The following FRMD6 variants were observed in gnomAD, a reference collection of about 807,000 sequenced individuals.
FRMD6 encodes FERM domain containing 6.
Under a neutral mutation model 73.2 loss-of-function variants are expected in FRMD6, and 37 were observed. That is an observed-to-expected ratio of 0.51 (90% CI 0.39 to 0.66). The LOEUF (loss-of-function observed/expected upper bound fraction) is 0.66, where lower values mean the gene tolerates loss of function less well. FRMD6 is among the 30% of genes least tolerant of loss of function. FRMD6 has a pLI of 0.00. For missense variants in FRMD6, 714 were observed against 780.5 expected (o/e 0.91, Z 1.02); for synonymous variants, 273 against 282.2 (o/e 0.97, Z 0.33).
intron 2 of FRMD6, among the ~76,000 whole-genome samples, chr14:51,619,003 G>C (rs1413563293): frequency 1.3e-5 from 2 of 151,430 alleles, no homozygotes; most frequent in Non-Finnish European, 2.9e-5. Flanking sequence ...CAAATAATTT[G>C]TTGTAAGACA....
chr14:51,463,958 C>T, the FRMD6 span, among the ~76,000 whole-genome samples: 12 of 152,252 alleles, frequency 7.9e-5, no homozygotes, highest in African/African-American at 2.9e-4. Flanking sequence ...GGTGGGACTA[C>T]AGGCGTGCAC....
chr14:51,523,339 A>G (rs1218540291), intron 1 of FRMD6, among the ~76,000 whole-genome samples: 1 of 152,030 alleles, frequency 6.6e-6, no homozygotes, highest in East Asian at 1.9e-4. Context: ...AAACAGGCAG[A>G]AAAAAAAGGT....
chr14:51,504,814 A>G (rs1381871280), intron 1 of FRMD6, among the ~76,000 whole-genome samples: 2 of 152,172 alleles, frequency 1.3e-5, no homozygotes, highest in Non-Finnish European at 2.9e-5. Context: ...TCACCCAAAG[A>G]ACAGAGTGGG....
the FRMD6 span, among the ~76,000 whole-genome samples, chr14:51,411,494 C>T: frequency 2.6e-5 from 4 of 152,222 alleles, no homozygotes; most frequent in African/African-American, 7.2e-5. Context: ...CTGCTGGTCT[C>T]TCCCTTGGGG....
chr14:51,709,586 A>T (rs1020966883), intron 7 of FRMD6, among the ~76,000 whole-genome samples: 3 of 152,128 alleles, frequency 2.0e-5, no homozygotes, highest in Non-Finnish European at 4.4e-5. Flanking sequence ...TGCCCAAGAG[A>T]TGCATTATTA....
At chr14:51,479,903 T>C in the FRMD6 span, among the ~76,000 whole-genome samples, 6 of 152,152 alleles carry the variant, frequency 3.9e-5, no homozygotes, top group Admixed American at 3.3e-4. Context: ...TGACTGTGTA[T>C]TGACTTCGTG....
chr14:51,549,255 G>T (rs979764632), intron 1 of FRMD6, among the ~76,000 whole-genome samples: 2 of 152,080 alleles, frequency 1.3e-5, no homozygotes, highest in African/African-American at 4.8e-5. Flanking sequence ...GAAAAGCGTG[G>T]TAAACCCCTG....
the FRMD6 span, among the ~76,000 whole-genome samples, chr14:51,408,524 G>C: frequency 6.6e-6 from 1 of 151,982 alleles, no homozygotes; most frequent in South Asian, 2.1e-4. Context: ...CTTCCAGCTT[G>C]CTAATGCTCT....
intron 1 of FRMD6, among the ~76,000 whole-genome samples, chr14:51,519,385 G>A (rs1274049599): frequency 2.6e-5 from 4 of 151,896 alleles, no homozygotes; most frequent in African/African-American, 7.3e-5. Context: ...TCTAACCTCG[G>A]GTGACCCACC....
chr14:51,503,051 A>G (rs951758833), intron 1 of FRMD6, among the ~76,000 whole-genome samples: 1 of 152,140 alleles, frequency 6.6e-6, no homozygotes, highest in African/African-American at 2.4e-5. Context: ...GATTTTGTAT[A>G]CTGATAGTTT....
rs184949969 is a variant in FRMD6 at position 51,682,576 on chromosome 14, T to G, written c.-146-7115T>G. Among the ~76,000 whole-genome samples, 86 of 152,304 alleles carry G rather than the reference T, an allele frequency of 5.6e-4. 2 individuals are homozygous for G. In the East Asian group the frequency reaches 0.014, roughly 24 times the overall value. On this transcript the variant is annotated intron_variant, in intron 1 of 13. Coordinates refer to ENST00000344768, the MANE Select transcript of FRMD6 (RefSeq NM_001267046.2). ...TATATGAGAATTTCTATGGATGGTT[T>G]CTGGCTTCAGATAGCTAGATGCAGC...
intron 2 of FRMD6, chr14:51,692,733 C>G (rs988308082): frequency 1.8e-4 from 27 of 152,266 alleles, no homozygotes; most frequent in African/African-American, 6.0e-4. Flanking sequence ...GAGCAGCTTA[C>G]TAATATTCAG....
chr14:51,510,389 G>A (rs1884229371), intron 1 of FRMD6, among the ~76,000 whole-genome samples: 1 of 152,036 alleles, frequency 6.6e-6, no homozygotes, highest in African/African-American at 2.4e-5. Flanking sequence ...TGCCTCCCTT[G>A]TGTGGTTCTT....
intron 5 of FRMD6, 84 bp downstream of exon 5, chr14:51,702,672 ATTCT>A: frequency 9.1e-7 from 1 of 1,098,492 alleles, no homozygotes; most frequent in Middle Eastern, 2.1e-4. Flanking sequence ...ACGTGTGTTT[ATTCT>A]TTGTCTTCAC....
intron 1 of FRMD6, among the ~76,000 whole-genome samples, chr14:51,491,192 A>C (rs1431101773): frequency 2.0e-5 from 3 of 152,176 alleles, no homozygotes; most frequent in Non-Finnish European, 4.4e-5. Context: ...ACTTCCTTGC[A>C]TGTTAGCATG....
chr14:51,726,682 G>C (rs1017901335), intron 13 of FRMD6, among the ~76,000 whole-genome samples: 43 of 152,314 alleles, frequency 2.8e-4, no homozygotes, highest in African/African-American at 1.0e-3. Context: ...ACAGCTGATA[G>C]TCAGATTCCA....
the FRMD6 span, among the ~76,000 whole-genome samples, chr14:51,482,593 T>C: frequency 3.3e-5 from 5 of 152,112 alleles, no homozygotes; most frequent in Admixed American, 2.0e-4. Flanking sequence ...TGGGAGAATC[T>C]GTCCAAGGAA....
chr14:51,551,905 A>ATG (rs1886863786), intron 1 of FRMD6, among the ~76,000 whole-genome samples: 1 of 152,108 alleles, frequency 6.6e-6, no homozygotes, highest in African/African-American at 2.4e-5. Context: ...TAACTATTCC[A>ATG]TGTTTTCAGA....
At chr14:51,697,290 A>G (rs1017348370) in intron 2 of FRMD6, among the ~76,000 whole-genome samples, 9 of 152,172 alleles carry the variant, frequency 5.9e-5, no homozygotes. Context: ...ATAAATGGAT[A>G]AAGAAAATGT....
Sources: gnomAD v4.1 joint callset for allele counts (sites outside exome capture counted in the v4.1 genomes callset) on GRCh38, gnomAD v4.1.1 for gene constraint, MANE v1.5 for transcripts, NCBI Gene and HGNC (gene_info 2026-07-23, HGNC 2026-07-21) for gene names.